ATG16L2: variants seen among roughly 807,000 people sequenced by gnomAD.
ATG16L2 encodes the protein autophagy related 16 like 2, also known as protein Atg16l2.
In ATG16L2, 77 loss-of-function variants were observed where a neutral mutation model predicts 84.7. The observed-to-expected ratio is 0.91, with a 90% CI of 0.76 to 1.10. The LOEUF (loss-of-function observed/expected upper bound fraction) is 1.10, where lower values mean the gene tolerates loss of function less well. ATG16L2 is among the 50% of genes least tolerant of loss of function. The probability of loss-of-function intolerance (pLI) is 0.00; values close to 1 mark genes in which losing one functional copy is unlikely to be tolerated. For missense variants in ATG16L2, 782 were observed against 817.6 expected, an observed-to-expected ratio of 0.96 and a Z score of 0.53; for synonymous variants, 361 against 342.8, an observed-to-expected ratio of 1.05 and a Z score of -0.59.
chr11:72,842,569 G>C, intron 5 of ATG16L2: 1 of 1,608,344 alleles, frequency 6.2e-7, no homozygotes. Flanking sequence ...GACCCTTTGG[G>C]AGCAATTTTC....
At chr11:72,821,609 G>C (rs1218197202) in intron 3 of ATG16L2, 59 bp from the exon 4 acceptor site, 1 of 1,508,948 alleles carries the variant, frequency 6.6e-7, no homozygotes, top group Admixed American at 2.2e-5. Flanking sequence ...CTTCGGCCCC[G>C]GAGGGACTGG....
At position 72,828,381 on chromosome 11, in the gene ATG16L2, A is replaced by C; in HGVS notation, c.1495A>C (p.Ile499Leu). 3 of 1,614,096 alleles carry C rather than the reference A, an allele frequency of 1.9e-6. No individual in the cohort carries two copies. The highest frequency in any genetic ancestry group is 2.5e-6 in the Non-Finnish European group (3 of 1,180,000). The change falls in exon 15 of 18, where the codon ATC (isoleucine) becomes CTC (leucine). Residue 499 changes from isoleucine (I) to leucine (L), a missense_variant. Physicochemically the swap from Ile to Leu is conservative, Grantham distance 5 (BLOSUM62 2). Coordinates refer to ENST00000321297, the MANE Select transcript of ATG16L2 (RefSeq NM_033388.2). ...DSRGPHCTQV[I>L]PVQGRVTSLS... ...CAGGGGGCCCCACTGCACCCAGGTC[A>C]TCCCTGTGCAGGGCCGGGTCACCTC...
At chr11:72,824,896 CA>C in intron 9 of ATG16L2, 54 bp downstream of exon 9, 1 of 1,455,762 alleles carries the variant, frequency 6.9e-7, no homozygotes, top group Non-Finnish European at 9.3e-7. Flanking sequence ...AGTGCAGGCA[CA>C]GGGGTGGTCT....
downstream of ATG16L2, among the ~76,000 whole-genome samples, chr11:72,832,255 C>T (rs1028540154): frequency 1.1e-4 from 16 of 152,210 alleles, no homozygotes; most frequent in African/African-American, 3.6e-4. Context: ...CCTTCTCTCC[C>T]CCAAAACCTT....
At chr11:72,830,777 C>T (rs1415037326), downstream of ATG16L2, among the ~76,000 whole-genome samples, 1 of 98,430 alleles carries the variant, frequency 1.0e-5, no homozygotes, top group East Asian at 3.0e-4. Context: ...GCTTCATCTT[C>T]ATTTCCTTGC....
chr11:72,826,986 G>T, intron 13 of ATG16L2, 163 bp downstream of exon 13: 1 of 930,274 alleles, frequency 1.1e-6, no homozygotes. Context: ...ATCCCCCAGT[G>T]GTGTTTTCTG....
chr11:72,828,644 A>G (rs1860502136), intron 15 of ATG16L2, 85 bp from the exon 16 acceptor site: 1 of 1,597,638 alleles, frequency 6.3e-7, no homozygotes, highest in East Asian at 2.2e-5. Context: ...AAACCCCTCG[A>G]CAAAGAGGAA....
chr11:72,821,633 C>T (rs1859998418), intron 3 of ATG16L2, 35 bp from the exon 4 acceptor site: 5 of 1,521,712 alleles, frequency 3.3e-6, no homozygotes, highest in Middle Eastern at 1.9e-4. Context: ...CCTGGAGGGG[C>T]CTCAGCGCCG....
At position 72,829,315 on chromosome 11, in the gene ATG16L2, C is replaced by T. The variant is rs138182296; in HGVS notation, c.1785C>T (p.Asn595=). 44 of 1,613,054 alleles carry T rather than the reference C, an allele frequency of 2.7e-5. 1 individual carries two copies. The African/African-American group carries it at 5.1e-4, about 19-fold the overall frequency. The part of the protein sequence containing the change: ...RLQGPHCAAV[N]AVAWCYSGSH... ...TCCCTTTCCCCAGCGCTGCCGTCAA[C>T]GCCGTGGCCTGGTGCTACTCCGGGA... is the stretch of plus-strand genomic sequence containing the variant. The change falls in exon 18 of 18, where the codon AAC becomes AAT. Residue 595 remains asparagine (N), a synonymous_variant. Transcript: ENST00000321297.
At chr11:72,840,905 G>GTACT in intron 5 of ATG16L2, 1 of 1,613,174 alleles carries the variant, frequency 6.2e-7, no homozygotes, top group Non-Finnish European at 8.5e-7. Flanking sequence ...TGAGGTCTCA[G>GTACT]GAGTATGCCT....
intron 7 of ATG16L2, chr11:72,823,295 G>A (rs972952782): frequency 9.0e-6 from 3 of 334,054 alleles, no homozygotes; most frequent in East Asian, 7.7e-5. Flanking sequence ...GCATGTGTGC[G>A]CAGCCATAGG....
chr11:72,831,378 T>C (rs140569553), downstream of ATG16L2, among the ~76,000 whole-genome samples: 57 of 152,270 alleles, frequency 3.7e-4, no homozygotes, highest in East Asian at 0.011. Flanking sequence ...TGGTGGCACA[T>C]GCCTGTAATC....
intron 7 of ATG16L2, chr11:72,823,436 TCAGACCTTGGGTGCCTGTCCGCA>T (rs1223720940): frequency 2.0e-5 from 7 of 356,078 alleles, no homozygotes; most frequent in Non-Finnish European, 3.9e-5. Context: ...GATTGGGGCT[TCAGACCTTGGGTGCCTGTCCGCA>T]GGGTCTCCTC....
At chr11:72,826,364 T>C in intron 11 of ATG16L2, 121 bp downstream of exon 11, 1 of 1,425,404 alleles carries the variant, frequency 7.0e-7, no homozygotes. Flanking sequence ...CCCTGGGCTC[T>C]TACACAGATC....
In ATG16L2 at chr11:72,829,485, C is replaced by T. The variant is rs757795559; in HGVS notation, c.*95C>T. On this transcript the variant is annotated 3_prime_UTR_variant, in exon 18 of 18. Transcript: ENST00000321297. The stretch of plus-strand genomic sequence containing the variant: ...GGTTGGGGTTGGGACTGGAGCTGGC[C>T]TTGGGATTTAATGGGGAAGAAGGCC... 61 of 1,490,116 alleles carry T rather than the reference C, an allele frequency of 4.1e-5. No individual in the cohort carries two copies. The highest frequency in any genetic ancestry group is 5.3e-5 in the Non-Finnish European group (59 of 1,119,124). The allele number at this position is 1,490,116 out of a possible 1,614,324, so 92.3% of individuals were successfully genotyped here. A position where few individuals can be genotyped will look rare whatever the true frequency, so the allele number is the denominator to read the frequency against.
chr11:72,831,230 G>T (rs372026480), downstream of ATG16L2, among the ~76,000 whole-genome samples: 48 of 152,230 alleles, frequency 3.2e-4, no homozygotes, highest in African/African-American at 1.1e-3. Flanking sequence ...ATTCAGGCTG[G>T]ATGCGGTGGC....
intron 5 of ATG16L2, among the ~76,000 whole-genome samples, chr11:72,840,122 C>A (rs1378280826): frequency 1.3e-5 from 2 of 152,302 alleles, no homozygotes; most frequent in East Asian, 3.9e-4. Flanking sequence ...CTTTCTGCCA[C>A]CCTCCATCCA....
downstream of ATG16L2, among the ~76,000 whole-genome samples, chr11:72,831,559 G>T (rs561438122): frequency 6.6e-6 from 1 of 152,298 alleles, no homozygotes; most frequent in Non-Finnish European, 1.5e-5. Context: ...CGGTCTAAGA[G>T]CCTTGGGCTC....
rs1860181897 is a variant in ATG16L2, at chr11:72,824,058, A to G, written c.825-2A>G. 6.2e-7 allele frequency: 1 copy of G among 1,614,198 alleles called. No individual in the cohort carries two copies. The highest frequency in any genetic ancestry group is 1.3e-5 in the African/African-American group (1 of 75,060). On this transcript the variant is annotated splice_acceptor_variant, in intron 7 of 17. Coordinates refer to ENST00000321297, the MANE Select transcript of ATG16L2 (RefSeq NM_033388.2). LOFTEE classifies it high-confidence loss of function. ...AGCATATCTCTCTTGGTTTTGTCTC[A>G]GGTCTGCCTCAGCCACCTCCCTGAC...
Sources: gnomAD v4.1 joint callset for allele counts (sites outside exome capture counted in the v4.1 genomes callset) on GRCh38, gnomAD v4.1.1 for gene constraint, MANE v1.5 for transcripts, NCBI Gene and HGNC (gene_info 2026-07-23, HGNC 2026-07-21) for gene names.